The following SPIDR variants were observed in gnomAD, a reference collection of about 807,000 sequenced individuals.
The protein encoded by SPIDR is scaffold protein involved in DNA repair.
In SPIDR, 93 loss-of-function variants were observed where a neutral mutation model predicts 104.6. The observed-to-expected ratio is 0.89, with a 90% confidence interval of 0.75 to 1.06. The LOEUF is 1.06. SPIDR is among the 50% of genes least tolerant of loss of function. The pLI, the probability that SPIDR is intolerant of heterozygous loss-of-function variation, is 0.00. For synonymous variants in SPIDR, 431 were observed against 416.9 expected (o/e 1.03, Z -0.41); for missense variants, 1,154 against 1,111.2 (o/e 1.04, Z -0.55).
intron 11 of SPIDR, among the ~76,000 whole-genome samples, chr8:47,693,143 A>G (rs2078905519): frequency 6.6e-6 from 1 of 152,242 alleles, no homozygotes; most frequent in African/African-American, 2.4e-5. Context: ...TGTTGGAGGA[A>G]ATCCATTTCA....
chr8:47,297,579 G>A (rs2041113222), intron 5 of SPIDR, among the ~76,000 whole-genome samples: 2 of 151,992 alleles, frequency 1.3e-5, no homozygotes, highest in African/African-American at 4.8e-5. Context: ...TTAACATCAG[G>A]TATATCTCCT....
intron 8 of SPIDR, among the ~76,000 whole-genome samples, chr8:47,505,670 T>A (rs972648431): frequency 2.0e-5 from 3 of 151,992 alleles, no homozygotes; most frequent in Non-Finnish European, 4.4e-5. Flanking sequence ...ATACCTCAGT[T>A]GGAAATGCAG....
chr8:47,615,341 T>C (rs2064145006), intron 10 of SPIDR, among the ~76,000 whole-genome samples: 1 of 152,188 alleles, frequency 6.6e-6, no homozygotes, highest in Non-Finnish European at 1.5e-5. Flanking sequence ...TCCTGTGTTT[T>C]TGTTCAAGAA....
chr8:47,628,466 G>A (rs974843794), intron 10 of SPIDR, among the ~76,000 whole-genome samples: 4 of 152,150 alleles, frequency 2.6e-5, no homozygotes, highest in African/African-American at 9.7e-5. Flanking sequence ...AAAACTTGTT[G>A]AGCACCAGCA....
chr8:47,526,723 A>G (rs1238351744), intron 8 of SPIDR, among the ~76,000 whole-genome samples: 1 of 152,196 alleles, frequency 6.6e-6, no homozygotes, highest in African/African-American at 2.4e-5. Context: ...AGTCCAAAGC[A>G]GGAGTTCTGA....
At chr8:47,400,924 C>T (rs1187347723) in intron 6 of SPIDR, among the ~76,000 whole-genome samples, 1 of 152,024 alleles carries the variant, frequency 6.6e-6, no homozygotes, top group Admixed American at 6.6e-5. Flanking sequence ...AGGATATTAT[C>T]CAGGAGAACT....
Position 47,322,089 on chromosome 8 carries a change from A to G in SPIDR, c.525+28059A>G, listed in dbSNP as rs181682076. Among the ~76,000 whole-genome samples the G allele has an allele frequency of 9.2e-5, 14 of 152,350 alleles. No homozygotes were observed. The East Asian group carries it at 1.9e-3, about 21-fold the overall frequency. ...GCAATGGCAACGAAAGCCAAAATTGACAACTAGGATCTAATTAAACGAAAG... is the reference window on the plus strand; with the variant it reads ...GCAATGGCAACGAAAGCCAAAATTGGCAACTAGGATCTAATTAAACGAAAG... On this transcript the variant is annotated intron_variant, in intron 5 of 19. Transcript: ENST00000297423.
intron 8 of SPIDR, among the ~76,000 whole-genome samples, chr8:47,478,097 A>T (rs896740966): frequency 1.2e-4 from 19 of 152,236 alleles, no homozygotes; most frequent in African/African-American, 4.3e-4. Context: ...ACTTCGTGTG[A>T]GGAAAAGATG....
At chr8:47,593,699 G>C (rs958178410) in intron 8 of SPIDR, among the ~76,000 whole-genome samples, 2 of 152,196 alleles carry the variant, frequency 1.3e-5, no homozygotes, top group Admixed American at 1.3e-4. Flanking sequence ...TTACTGCCAC[G>C]TGGAGAGGGA....
intron 5 of SPIDR, among the ~76,000 whole-genome samples, chr8:47,393,823 TTCTC>T (rs1260864632): frequency 6.8e-6 from 1 of 146,536 alleles, no homozygotes; most frequent in Non-Finnish European, 1.5e-5. Context: ...CTTTCTTTGT[TTCTC>T]TCTCTCTCTC....
chr8:47,440,903 T>G (rs2069304140), intron 8 of SPIDR, among the ~76,000 whole-genome samples: 1 of 152,202 alleles, frequency 6.6e-6, no homozygotes, highest in Admixed American at 6.5e-5. Flanking sequence ...AATTAAATAT[T>G]TCTTAGTCAC....
In SPIDR at chr8:47,730,382, G is replaced by A. The variant is rs1260157029; in HGVS notation, c.2604+917G>A. On this transcript the variant is annotated intron_variant, in intron 19 of 19. Coordinates refer to ENST00000297423, the MANE Select transcript of SPIDR (RefSeq NM_001080394.4). ...AGTGGCTCATGGAATAGCCACAGAAGGGGACCAGCCACTCAGTGGCCCCTG... is the reference window on the plus strand; with the variant it reads ...AGTGGCTCATGGAATAGCCACAGAAAGGGACCAGCCACTCAGTGGCCCCTG... 2.6e-5 allele frequency among the ~76,000 whole-genome samples: 4 copies of A among 152,366 alleles called. 1 individual carries two copies. The highest frequency in any genetic ancestry group is 2.6e-4 in the Admixed American group (4 of 15,304).
At position 47,658,953 on chromosome 8, in the gene SPIDR, A is replaced by AAG. The variant is rs1191885939; in HGVS notation, c.1545-14847_1545-14846insGA. On this transcript the variant is annotated intron_variant, in intron 10 of 19. Coordinates refer to ENST00000297423, the MANE Select transcript of SPIDR (RefSeq NM_001080394.4). The stretch of plus-strand genomic sequence containing the variant: ...CTCCATCTCCATCTCAAAAAAAAAA[A>AAG]AAAAAAAGAAAAGACTCTTCTCAGC... 3.5e-3 allele frequency among the ~76,000 whole-genome samples: 523 copies of AAG among 151,228 alleles called. 8 individuals are homozygous for AAG. Among genetic ancestry groups the AAG allele is most frequent in the African/African-American group, 0.012 (495 of 40,984 alleles).
At chr8:47,526,102 T>A (rs1205866573) in intron 8 of SPIDR, among the ~76,000 whole-genome samples, 1 of 152,178 alleles carries the variant, frequency 6.6e-6, no homozygotes, top group East Asian at 1.9e-4. Flanking sequence ...CCTCTGAATT[T>A]GCGGAAGGGA....
intron 8 of SPIDR, among the ~76,000 whole-genome samples, chr8:47,523,309 A>C (rs892109870): frequency 2.0e-5 from 3 of 152,202 alleles, no homozygotes. Context: ...CAACAAGATA[A>C]GGATATTACC....
chr8:47,559,448 C>G (rs761746901), intron 8 of SPIDR, among the ~76,000 whole-genome samples: 24 of 152,192 alleles, frequency 1.6e-4, no homozygotes, highest in Non-Finnish European at 2.4e-4. Context: ...ACAAGTGTCC[C>G]CCTTCCTCAG....
chr8:47,646,388 G>A (rs1385819294), intron 10 of SPIDR, among the ~76,000 whole-genome samples: 1 of 152,104 alleles, frequency 6.6e-6, no homozygotes. Context: ...ATTTTAAACA[G>A]GTCAGCTCTT....
chr8:47,393,823 T>TTC (rs1260864632), intron 5 of SPIDR, among the ~76,000 whole-genome samples: 10 of 146,536 alleles, frequency 6.8e-5, no homozygotes, highest in East Asian at 5.9e-4. Context: ...CTTTCTTTGT[T>TTC]TCTCTCTCTC....
At chr8:47,417,024 G>C (rs375769415) in intron 7 of SPIDR, among the ~76,000 whole-genome samples, 3 of 152,086 alleles carry the variant, frequency 2.0e-5, no homozygotes, top group East Asian at 1.9e-4. Flanking sequence ...TCCAGTCTAT[G>C]ATTTTTGGAC....
Sources: gnomAD v4.1 joint callset for allele counts (sites outside exome capture counted in the v4.1 genomes callset) on GRCh38, gnomAD v4.1.1 for gene constraint, MANE v1.5 for transcripts, NCBI Gene and HGNC (gene_info 2026-07-23, HGNC 2026-07-21) for gene names.